SERTAD2: variants seen among roughly 807,000 people sequenced by gnomAD.
SERTAD2 encodes the protein SERTA domain containing 2, also known as SERTA domain-containing protein 2.
SERTAD2 carries 2 observed loss-of-function variants against 15.4 expected under a neutral mutation model. The ratio of observed to expected loss-of-function variants is 0.13; its 90% CI spans 0.05 to 0.41. The LOEUF is 0.41. Among genes scored for constraint, SERTAD2 ranks in the 10% least tolerant of loss-of-function variants. SERTAD2 has a pLI of 0.99. For missense variants in SERTAD2, 333 were observed against 409.7 expected, an observed-to-expected ratio of 0.81 and a Z score of 1.62; for synonymous variants, 180 against 178.0, an observed-to-expected ratio of 1.01 and a Z score of -0.09.
intron 1 of SERTAD2, among the ~76,000 whole-genome samples, chr2:64,644,127 T>A (rs1674843975): frequency 6.6e-6 from 1 of 152,154 alleles, no homozygotes; most frequent in Non-Finnish European, 1.5e-5. Flanking sequence ...CAGCGGTCCT[T>A]CCCTTCCCCT....
At chr2:64,650,463 G>T (rs1016180252) in intron 1 of SERTAD2, among the ~76,000 whole-genome samples, 1 of 152,038 alleles carries the variant, frequency 6.6e-6, no homozygotes, top group African/African-American at 2.4e-5. Flanking sequence ...AGAATGAACT[G>T]CCACACAGTG....
At position 64,635,433 on chromosome 2, in the gene SERTAD2, G is replaced by A. The variant is rs1488621734; in HGVS notation, c.*494C>T. ...AGCCATGTAAATGCAACACTTACGA[G>A]GAGTAGTTAATGCCTCTAAAAAGGC... On this transcript the variant is annotated 3_prime_UTR_variant, in exon 2 of 2. Coordinates refer to ENST00000313349, the MANE Select transcript of SERTAD2 (RefSeq NM_014755.3). 1.3e-5 allele frequency: 2 copies of A among 153,172 alleles called. No individual in the cohort carries two copies. The allele number at this position is 153,172 out of a possible 1,614,324, so 9.5% of individuals were successfully genotyped here.
rs553223941 is a variant in SERTAD2, at chr2:64,633,339, A to C, written c.*2588T>G. 6.6e-6 allele frequency: 1 copy of C among 152,218 alleles called. No individual in the cohort carries two copies. The highest frequency in any genetic ancestry group is 2.4e-5 in the African/African-American group (1 of 41,456). The allele number at this position is 152,218 out of a possible 1,614,324, so 9.4% of individuals were successfully genotyped here. A position where few individuals can be genotyped will look rare whatever the true frequency, so the allele number is the denominator to read the frequency against. ...TTTTGAAGCCCAGCCTTACAAATAC[A>C]TAAGAGTCAGAGAACCAAGTTTGGG... On this transcript the variant is annotated 3_prime_UTR_variant, in exon 2 of 2. Coordinates refer to ENST00000313349, the MANE Select transcript of SERTAD2 (RefSeq NM_014755.3).
rs1230745750 is a variant in SERTAD2 at position 64,633,290 on chromosome 2, C to A, written c.*2637G>T. 6.6e-6 allele frequency: 1 copy of A among 152,174 alleles called. No individual in the cohort carries two copies. Among genetic ancestry groups the A allele is most frequent in the East Asian group, 1.9e-4 (1 of 5,200 alleles). 9.4% of individuals were successfully genotyped at this position (152,174 alleles called of 1,614,324 possible). A position where few individuals can be genotyped will look rare whatever the true frequency, so the allele number is the denominator to read the frequency against. On this transcript the variant is annotated 3_prime_UTR_variant, in exon 2 of 2. Coordinates refer to ENST00000313349, the MANE Select transcript of SERTAD2 (RefSeq NM_014755.3). The stretch of plus-strand genomic sequence containing the variant: ...GTCAGAGTTAAAAAGCATTTGCCTG[C>A]TGTTTTTGGGGTTTTTGTTTTGATT...
chr2:64,649,454 A>C (rs1212202221), intron 1 of SERTAD2, among the ~76,000 whole-genome samples: 1 of 152,256 alleles, frequency 6.6e-6, no homozygotes, highest in Admixed American at 6.5e-5. Flanking sequence ...GTGAGTGTGC[A>C]TATGGATATA....
chr2:64,640,019 G>A (rs1382799641), intron 1 of SERTAD2, among the ~76,000 whole-genome samples: 1 of 152,144 alleles, frequency 6.6e-6, no homozygotes, highest in Non-Finnish European at 1.5e-5. Flanking sequence ...GACCCCTGAT[G>A]AAGTGTACCT....
Position 64,635,795 on chromosome 2 carries a change from G to C in SERTAD2, c.*132C>G. The C allele has an allele frequency of 1.4e-6, 1 of 695,814 alleles. No individual in the cohort carries two copies. The highest frequency in any genetic ancestry group is 4.1e-4 in the Middle Eastern group (1 of 2,446). The allele number at this position is 695,814 out of a possible 1,614,324, so 43.1% of individuals were successfully genotyped here. A position where few individuals can be genotyped will look rare whatever the true frequency, so the allele number is the denominator to read the frequency against. On this transcript the variant is annotated 3_prime_UTR_variant, in exon 2 of 2. Transcript: ENST00000313349. ...CCAACTCTGCTCAAAGCAAAAACTAGTGTGATCCTGTTGTAAAATTTTCTT... is the reference window on the plus strand; with the variant it reads ...CCAACTCTGCTCAAAGCAAAAACTACTGTGATCCTGTTGTAAAATTTTCTT...
Position 64,634,289 on chromosome 2 carries a change from C to G in SERTAD2, c.*1638G>C, listed in dbSNP as rs1277187073. 6.8e-6 allele frequency: 1 copy of G among 147,648 alleles called. No homozygotes were observed. Among genetic ancestry groups the G allele is most frequent in the East Asian group, 2.0e-4 (1 of 4,944 alleles). 9.1% of individuals were successfully genotyped at this position (147,648 alleles called of 1,614,324 possible). A position where few individuals can be genotyped will look rare whatever the true frequency, so the allele number is the denominator to read the frequency against. ...GGCCATAAACAGTTTCGGCAACAAG[C>G]ATGATACATTGCAACCTTTTTAAAA... On this transcript the variant is annotated 3_prime_UTR_variant, in exon 2 of 2. Coordinates refer to ENST00000313349, the MANE Select transcript of SERTAD2 (RefSeq NM_014755.3).
intron 1 of SERTAD2, among the ~76,000 whole-genome samples, chr2:64,644,328 T>C (rs1403755650): frequency 6.6e-6 from 1 of 152,246 alleles, no homozygotes; most frequent in Non-Finnish European, 1.5e-5. Context: ...AAACACAGAA[T>C]ATGCTGTTTC....
chr2:64,640,478 TC>T (rs57961972), intron 1 of SERTAD2, among the ~76,000 whole-genome samples: 11 of 152,262 alleles, frequency 7.2e-5, no homozygotes, highest in African/African-American at 2.6e-4. Context: ...CAGAAGCCTC[TC>T]TTTCCTCAGG....
Position 64,636,143 on chromosome 2 carries a change from C to T in SERTAD2, c.729G>A (p.Leu243=). Residue 243 remains leucine, a synonymous_variant, in exon 2 of 2, where the codon CTG becomes CTA. Transcript: ENST00000313349. ...CAATGTCAGCAAACAGGATGTCATC[C>T]AGGGTCAAGTCTGTCAGGAAACCCG... ...TSTGFLTDLT[L]DDILFADIDT... is the part of the protein sequence containing the mutation. 1 of 1,614,180 alleles carries T rather than the reference C, an allele frequency of 6.2e-7. No individual in the cohort carries two copies. Among genetic ancestry groups the T allele is most frequent in the African/African-American group, 1.3e-5 (1 of 75,042 alleles).
At position 64,634,723 on chromosome 2, in the gene SERTAD2, G is replaced by C. The variant is rs567048512; in HGVS notation, c.*1204C>G. On this transcript the variant is annotated 3_prime_UTR_variant, in exon 2 of 2. Transcript: ENST00000313349. ...TTCTTCTTTAAGGGCCCTAAGCATTGCAACAGGGCTGAGTTCCATGAAGAA... is the reference window on the plus strand; with the variant it reads ...TTCTTCTTTAAGGGCCCTAAGCATTCCAACAGGGCTGAGTTCCATGAAGAA... 2 of 152,162 alleles carry C rather than the reference G, an allele frequency of 1.3e-5. No homozygotes were observed. Among genetic ancestry groups the C allele is most frequent in the Non-Finnish European group, 2.9e-5 (2 of 68,030 alleles). 9.4% of individuals were successfully genotyped at this position (152,162 alleles called of 1,614,324 possible). A position where few individuals can be genotyped will look rare whatever the true frequency, so the allele number is the denominator to read the frequency against.
At position 64,636,506 on chromosome 2, in the gene SERTAD2, G is replaced by C. The variant is rs1004166678; in HGVS notation, c.366C>G (p.Ser122Arg). The change falls in exon 2 of 2, where the codon AGC becomes AGG. Residue 122 changes from serine (S) to arginine (R), a missense_variant. Transcript: ENST00000313349. Reference protein sequence around the residue: ...SPSSHPCDLGSTTPLEACLTP... With the variant: ...SPSSHPCDLGRTTPLEACLTP... Reference sequence around the variant, plus strand: ...TGAGGCAGGCCTCCAGGGGCGTAGTGCTTCCGAGGTCGCAGGGGTGGGAGG... The same window carrying C: ...TGAGGCAGGCCTCCAGGGGCGTAGTCCTTCCGAGGTCGCAGGGGTGGGAGG... 6.2e-7 allele frequency: 1 copy of C among 1,608,898 alleles called. No individual in the cohort carries two copies. The highest frequency in any genetic ancestry group is 8.5e-7 in the Non-Finnish European group (1 of 1,176,264).
At chr2:64,636,953 A>G in intron 1 of SERTAD2, 78 bp from the exon 2 acceptor site, 2 of 1,071,842 alleles carry the variant, frequency 1.9e-6, no homozygotes, top group Non-Finnish European at 2.7e-6. Context: ...ACTGATTTAG[A>G]GGGCAGGACT....
At chr2:64,641,499 G>C (rs1674777771) in intron 1 of SERTAD2, among the ~76,000 whole-genome samples, 1 of 152,192 alleles carries the variant, frequency 6.6e-6, no homozygotes, top group Non-Finnish European at 1.5e-5. Context: ...CAGACGGTGT[G>C]TGTTTTGTTC....
rs1157661765 is a variant in SERTAD2, at chr2:64,635,662, A to G, written c.*265T>C. 1.3e-5 allele frequency: 5 copies of G among 377,286 alleles called. No individual in the cohort carries two copies. The highest frequency in any genetic ancestry group is 6.8e-4 in the Middle Eastern group (1 of 1,468). 23.4% of individuals were successfully genotyped at this position (377,286 alleles called of 1,614,324 possible). The stretch of plus-strand genomic sequence containing the variant: ...GAACTGTTTATTTTTGTCATTCAAC[A>G]TTGCAACATTGTCTTCAAATGGATT... On this transcript the variant is annotated 3_prime_UTR_variant, in exon 2 of 2. Transcript: ENST00000313349.
chr2:64,631,861 A>G lies in SERTAD2; in HGVS notation c.*4066T>C, dbSNP rs1674540704. 6.6e-6 allele frequency: 1 copy of G among 152,626 alleles called. No homozygotes were observed. The highest frequency in any genetic ancestry group is 2.4e-5 in the African/African-American group (1 of 41,448). 9.5% of individuals were successfully genotyped at this position (152,626 alleles called of 1,614,324 possible). ...CCTCCTCAAAAACCATGCACCAAAC[A>G]TGTCACTATGTACATCTTTTTTCAA... is the stretch of plus-strand genomic sequence containing the variant. On this transcript the variant is annotated 3_prime_UTR_variant, in exon 2 of 2. Transcript: ENST00000313349.
At position 64,635,823 on chromosome 2, in the gene SERTAD2, T is replaced by A. The variant is rs990150947; in HGVS notation, c.*104A>T. 3.2e-6 allele frequency: 3 copies of A among 939,122 alleles called. No individual in the cohort carries two copies. Among genetic ancestry groups the A allele is most frequent in the African/African-American group, 1.7e-5 (1 of 60,324 alleles). The allele number at this position is 939,122 out of a possible 1,614,324, so 58.2% of individuals were successfully genotyped here. A position where few individuals can be genotyped will look rare whatever the true frequency, so the allele number is the denominator to read the frequency against. On this transcript the variant is annotated 3_prime_UTR_variant, in exon 2 of 2. Transcript: ENST00000313349. ...TGATCCTGTTGTAAAATTTTCTTTTTCTCTGAAAAAGGCAAGCAAGGGTGC... is the reference window on the plus strand; with the variant it reads ...TGATCCTGTTGTAAAATTTTCTTTTACTCTGAAAAAGGCAAGCAAGGGTGC...
intron 1 of SERTAD2, among the ~76,000 whole-genome samples, chr2:64,643,889 C>CA (rs985990392): frequency 1.7e-4 from 21 of 127,160 alleles, no homozygotes; most frequent in Admixed American, 4.6e-4. Context: ...CAAAACAAAA[C>CA]AAAAAAAACA....
Sources: gnomAD v4.1 joint callset for allele counts (sites outside exome capture counted in the v4.1 genomes callset) on GRCh38, gnomAD v4.1.1 for gene constraint, MANE v1.5 for transcripts, NCBI Gene and HGNC (gene_info 2026-07-23, HGNC 2026-07-21) for gene names.